The following ITGA2 variants were observed in gnomAD, a reference collection of about 807,000 sequenced individuals.
The protein encoded by ITGA2 is integrin alpha-2.
ITGA2 carries 101 observed loss-of-function variants against 146.3 expected under a neutral mutation model. That is an observed-to-expected ratio of 0.69 (90% CI 0.59 to 0.81). The LOEUF (loss-of-function observed/expected upper bound fraction) is 0.81. Among genes scored for constraint, ITGA2 ranks in the 40% least tolerant of loss-of-function variants. The pLI, the probability that ITGA2 is intolerant of heterozygous loss-of-function variation, is 0.00. For synonymous variants in ITGA2, 477 were observed against 487.1 expected, an observed-to-expected ratio of 0.98 and a Z score of 0.27; for missense variants, 1,281 against 1,402.7, an observed-to-expected ratio of 0.91 and a Z score of 1.39.
chr5:53,079,638 T>G (rs1745820753), intron 24 of ITGA2, among the ~76,000 whole-genome samples: 2 of 152,204 alleles, frequency 1.3e-5, no homozygotes, highest in South Asian at 4.1e-4. Flanking sequence ...ACTCTGCAAT[T>G]TTGTGATAAA....
intron 1 of ITGA2, among the ~76,000 whole-genome samples, chr5:52,992,851 C>T (rs1436639400): frequency 6.6e-6 from 1 of 152,058 alleles, no homozygotes; most frequent in African/African-American, 2.4e-5. Context: ...TCTACCTATC[C>T]AATCTTTTCT....
In ITGA2 at chr5:53,091,035, AC is replaced by A; in HGVS notation, c.*437del. ...AAGTGGAAGTGCTTGATATGTAAGTACTTCCACTTGTGTATATTTTAATGAA... is the reference window on the plus strand; with the variant it reads ...AAGTGGAAGTGCTTGATATGTAAGTATTCCACTTGTGTATATTTTAATGAA... On this transcript the variant is annotated 3_prime_UTR_variant, in exon 30 of 30. Transcript: ENST00000296585. 2.7e-6 allele frequency: 1 copy of A among 365,918 alleles called. No individual in the cohort carries two copies. 22.7% of individuals were successfully genotyped at this position (365,918 alleles called of 1,614,324 possible).
intron 1 of ITGA2, among the ~76,000 whole-genome samples, chr5:52,998,092 A>G (rs543056482): frequency 6.6e-6 from 1 of 152,286 alleles, no homozygotes; most frequent in South Asian, 2.1e-4. Flanking sequence ...TGCCCCTCAA[A>G]TAATCTGCCT....
chr5:53,000,027 AAT>A (rs1251925103), intron 1 of ITGA2, among the ~76,000 whole-genome samples: 2 of 152,060 alleles, frequency 1.3e-5, no homozygotes, highest in Non-Finnish European at 2.9e-5. Context: ...CTACTAGTTA[AAT>A]ATACCATCTA....
intron 23 of ITGA2, among the ~76,000 whole-genome samples, chr5:53,076,996 G>C (rs1030892423): frequency 3.9e-5 from 6 of 151,960 alleles, no homozygotes; most frequent in Non-Finnish European, 5.9e-5. Context: ...TCCAGATACA[G>C]GGTTGCTTAT....
At chr5:52,996,299 CAG>C (rs1167502467) in intron 1 of ITGA2, among the ~76,000 whole-genome samples, 1 of 152,054 alleles carries the variant, frequency 6.6e-6, no homozygotes, top group Non-Finnish European at 1.5e-5. Context: ...ATGTATGTGG[CAG>C]AGATTCATTG....
At position 53,085,466 on chromosome 5, in the gene ITGA2, T is replaced by G. The variant is rs1399936572; in HGVS notation, c.3259-1486T>G. Reference sequence around the variant, plus strand: ...ATTTTGAGAATGCTATAAGAAAAATTCTTTCATCTTTAGTCTTTGGGGATT... The same window carrying G: ...ATTTTGAGAATGCTATAAGAAAAATGCTTTCATCTTTAGTCTTTGGGGATT... On this transcript the variant is annotated intron_variant, in intron 27 of 29. Coordinates refer to ENST00000296585, the MANE Select transcript of ITGA2 (RefSeq NM_002203.4). 2.0e-5 allele frequency among the ~76,000 whole-genome samples: 3 copies of G among 152,206 alleles called. No homozygotes were observed. In the East Asian group the frequency reaches 5.8e-4, roughly 29 times the overall value.
chr5:52,991,518 C>T (rs1231156943), intron 1 of ITGA2, among the ~76,000 whole-genome samples: 1 of 152,026 alleles, frequency 6.6e-6, no homozygotes, highest in African/African-American at 2.4e-5. Flanking sequence ...TGTGACAGAG[C>T]TTCATTATGA....
chr5:53,035,939 CT>C (rs948627600), intron 2 of ITGA2, among the ~76,000 whole-genome samples: 1 of 152,136 alleles, frequency 6.6e-6, no homozygotes, highest in African/African-American at 2.4e-5. Flanking sequence ...TGAGCTCCCC[CT>C]ATCGCAAAAT....
chr5:53,038,514 A>G (rs150471420), intron 2 of ITGA2, among the ~76,000 whole-genome samples: 138 of 152,182 alleles, frequency 9.1e-4, no homozygotes, highest in African/African-American at 2.9e-3. Flanking sequence ...CCCTTCATAT[A>G]TCACACAGCC....
rs541624904 is a variant in ITGA2 at position 53,090,986 on chromosome 5, T to G, written c.*387T>G. The G allele has an allele frequency of 4.3e-6, 2 of 469,662 alleles. No homozygotes were observed. Among genetic ancestry groups the G allele is most frequent in the Non-Finnish European group, 7.5e-6 (2 of 266,746 alleles). 29.1% of individuals were successfully genotyped at this position (469,662 alleles called of 1,614,324 possible). A position where few individuals can be genotyped will look rare whatever the true frequency, so the allele number is the denominator to read the frequency against. On this transcript the variant is annotated 3_prime_UTR_variant, in exon 30 of 30. Coordinates refer to ENST00000296585, the MANE Select transcript of ITGA2 (RefSeq NM_002203.4). ...GGGGAAAACTGTTCTCTTTAAAATATTTGTCTTTAAACAGCAACTACAGAA... is the reference window on the plus strand; with the variant it reads ...GGGGAAAACTGTTCTCTTTAAAATAGTTGTCTTTAAACAGCAACTACAGAA...
chr5:53,015,232 T>A (rs1185207460), intron 1 of ITGA2, among the ~76,000 whole-genome samples: 1 of 152,176 alleles, frequency 6.6e-6, no homozygotes, highest in Admixed American at 6.5e-5. Flanking sequence ...TGTGTATGTT[T>A]AGCACTATCA....
chr5:52,994,605 T>C (rs1157643971), intron 1 of ITGA2, among the ~76,000 whole-genome samples: 1 of 152,232 alleles, frequency 6.6e-6, no homozygotes, highest in African/African-American at 2.4e-5. Flanking sequence ...CGATGTCAAC[T>C]AGCTTAAGGA....
intron 2 of ITGA2, among the ~76,000 whole-genome samples, chr5:53,029,303 T>C (rs1355459102): frequency 6.6e-6 from 1 of 152,058 alleles, no homozygotes; most frequent in Non-Finnish European, 1.5e-5. Flanking sequence ...GCTCATTCCC[T>C]AGATTAAAAT....
intron 1 of ITGA2, among the ~76,000 whole-genome samples, chr5:53,016,557 T>C (rs1742408018): frequency 6.6e-6 from 1 of 152,166 alleles, no homozygotes; most frequent in Non-Finnish European, 1.5e-5. Context: ...CCGATGACTA[T>C]GTGTTTTGGG....
At position 53,065,913 on chromosome 5, in the gene ITGA2, G is replaced by A; in HGVS notation, c.1879G>A (p.Asp627Asn). ...TGGGAGGTCCTTGGATGGCTATGGA[G>A]ATTTAAATGGGGATTCCATCACCGA... ...YFGRSLDGYG[D>N]LNGDSITDVS... is the part of the protein sequence containing the mutation. The change falls in exon 15 of 30, where the codon GAT (aspartate) becomes AAT (asparagine). Residue 627 changes from aspartate to asparagine, a missense_variant. Asp to Asn is a conservative substitution (Grantham distance 23). Transcript: ENST00000296585. 1.2e-6 allele frequency: 2 copies of A among 1,612,246 alleles called. No homozygotes were observed. The highest frequency in any genetic ancestry group is 1.7e-6 in the Non-Finnish European group (2 of 1,178,838).
intron 1 of ITGA2, among the ~76,000 whole-genome samples, chr5:53,013,080 G>T (rs943054420): frequency 1.3e-5 from 2 of 152,006 alleles, no homozygotes; most frequent in African/African-American, 2.4e-5. Context: ...AGTTTATTTT[G>T]CTGTACAGAA....
At chr5:53,086,235 A>C (rs1335122521) in intron 27 of ITGA2, among the ~76,000 whole-genome samples, 1 of 152,184 alleles carries the variant, frequency 6.6e-6, no homozygotes, top group Admixed American at 6.5e-5. Flanking sequence ...CTGTAACTAG[A>C]TGGAGGAATG....
intron 2 of ITGA2, among the ~76,000 whole-genome samples, chr5:53,031,512 G>C (rs1743222813): frequency 6.6e-6 from 1 of 152,072 alleles, no homozygotes; most frequent in Non-Finnish European, 1.5e-5. Context: ...TACAATTTTA[G>C]CTCTGTCATG....
Sources: allele counts gnomAD v4.1 joint callset (sites outside exome capture counted in the v4.1 genomes callset), GRCh38; gene constraint gnomAD v4.1.1; transcripts MANE v1.5; gene names NCBI Gene and HGNC (gene_info 2026-07-23, HGNC 2026-07-21).